KALRN: variants seen among roughly 807,000 people sequenced by gnomAD.
KALRN encodes the protein kalirin RhoGEF kinase.
KALRN carries 70 observed loss-of-function variants against 353.7 expected under a neutral mutation model. The ratio of observed to expected loss-of-function variants is 0.20; its 90% CI spans 0.16 to 0.24. The LOEUF is 0.24. KALRN is among the 10% of genes least tolerant of loss of function. The pLI, the probability that KALRN is intolerant of heterozygous loss-of-function variation, is 1.00. For synonymous variants in KALRN, 1,391 were observed against 1,434.8 expected, an observed-to-expected ratio of 0.97 and a Z score of 0.69; for missense variants, 2,791 against 3,756.7, an observed-to-expected ratio of 0.74 and a Z score of 6.72.
intron 1 of KALRN, among the ~76,000 whole-genome samples, chr3:124,188,210 G>A (rs1285016475): frequency 6.6e-6 from 1 of 152,190 alleles, no homozygotes; most frequent in Non-Finnish European, 1.5e-5. Context: ...AGATTGCTAG[G>A]CCTCACCACC....
At chr3:124,539,070 C>G (rs553231726) in intron 33 of KALRN, among the ~76,000 whole-genome samples, 74 of 152,250 alleles carry the variant, frequency 4.9e-4, no homozygotes, top group African/African-American at 1.8e-3. Flanking sequence ...CTGTGCAGCC[C>G]TGATGGCTGC....
At chr3:124,432,407 C>A (rs1462423987) in intron 16 of KALRN, among the ~76,000 whole-genome samples, 1 of 152,142 alleles carries the variant, frequency 6.6e-6, no homozygotes, top group Non-Finnish European at 1.5e-5. Flanking sequence ...GAGTGAGACC[C>A]TGTCTCAAAA....
At chr3:124,431,956 T>C (rs1281336990) in intron 16 of KALRN, among the ~76,000 whole-genome samples, 1 of 152,220 alleles carries the variant, frequency 6.6e-6, no homozygotes, top group African/African-American at 2.4e-5. Flanking sequence ...AACTTCATAT[T>C]GCACACACAG....
intron 1 of KALRN, among the ~76,000 whole-genome samples, chr3:124,070,628 A>T (rs1356350063): frequency 6.6e-6 from 1 of 152,344 alleles, no homozygotes; most frequent in East Asian, 1.9e-4. Flanking sequence ...ACCCAGCTAG[A>T]CAGACCGTTA....
intron 17 of KALRN, among the ~76,000 whole-genome samples, chr3:124,437,429 C>G (rs1200853344): frequency 6.6e-6 from 1 of 152,324 alleles, no homozygotes; most frequent in South Asian, 2.1e-4. Context: ...GAGGCTCACG[C>G]CTATAATCCC....
In KALRN at chr3:124,723,071, T is replaced by C. The variant is rs1210979471; in HGVS notation, c.*3601T>C. ...GAAAAAAATGGTAATGTTGGAGATA[T>C]CCTTCAGGTCTCTCTCAGCCATAAA... On this transcript the variant is annotated 3_prime_UTR_variant, in exon 60 of 60. Transcript: ENST00000682506. 1 of 152,182 alleles carries C rather than the reference T, an allele frequency of 6.6e-6. No individual in the cohort carries two copies. Among genetic ancestry groups the C allele is most frequent in the African/African-American group, 2.4e-5 (1 of 41,438 alleles). 9.4% of individuals were successfully genotyped at this position (152,182 alleles called of 1,614,324 possible).
intron 1 of KALRN, among the ~76,000 whole-genome samples, chr3:124,086,928 C>T (rs1221851476): frequency 1.3e-5 from 2 of 152,174 alleles, no homozygotes; most frequent in East Asian, 1.9e-4. Context: ...CTATGCCTTG[C>T]GTTTTTAACC....
chr3:124,369,056 G>A (rs1015262581), intron 10 of KALRN, among the ~76,000 whole-genome samples: 5 of 144,802 alleles, frequency 3.5e-5, no homozygotes, highest in South Asian at 2.1e-4. Context: ...GAGGGAGACC[G>A]TGGGGAGAGG....
In KALRN at chr3:124,446,823, G is replaced by A. The variant is rs2093855567; in HGVS notation, c.3490G>A (p.Glu1164Lys). Residue 1164 changes from glutamate to lysine, a missense_variant, in exon 21 of 60, where the codon GAG becomes AAG. This residue lies in a region of KALRN where 268 missense variants were observed against 347.0 expected (regional missense o/e 0.77). Coordinates refer to ENST00000682506, the MANE Select transcript of KALRN (RefSeq NM_001388419.1). Reference sequence around the variant, plus strand: ...CCTCTCAACACATACCTCCACTGGAGAGACCACAGAGGAGACTCAGGAACT... The same window carrying A: ...CCTCTCAACACATACCTCCACTGGAAAGACCACAGAGGAGACTCAGGAACT... Reference protein sequence around the residue: ...FYLSTHTSTGETTEETQELLK... With the variant: ...FYLSTHTSTGKTTEETQELLK... 2.5e-6 allele frequency: 4 copies of A among 1,613,940 alleles called. No individual in the cohort carries two copies. Among genetic ancestry groups the A allele is most frequent in the Non-Finnish European group, 3.4e-6 (4 of 1,179,990 alleles).
chr3:124,618,086 C>CTTTTTTTTTTTT (rs71145464), intron 34 of KALRN, among the ~76,000 whole-genome samples: 6 of 63,354 alleles, frequency 9.5e-5, no homozygotes, highest in South Asian at 7.6e-4. Flanking sequence ...GTGCAGAAAT[C>CTTTTTTTTTTTT]TTTTTTTTTT....
rs79646101 is a variant in KALRN at position 124,320,185 on chromosome 3, T to C, written c.1093-5795T>C. 0.019 allele frequency among the ~76,000 whole-genome samples: 2,936 copies of C among 152,266 alleles called. 172 individuals carry two copies. The East Asian group carries it at 0.21, about 11-fold the overall frequency. ...CGTGGCTCTCAGCTGGTTGTTTGCA[T>C]GGCCTCCCTCCCTTGACTTTTTGAT... is the stretch of plus-strand genomic sequence containing the variant. On this transcript the variant is annotated intron_variant, in intron 6 of 59. Coordinates refer to ENST00000682506, the MANE Select transcript of KALRN (RefSeq NM_001388419.1).
intron 33 of KALRN, among the ~76,000 whole-genome samples, chr3:124,546,312 A>T (rs934290567): frequency 2.1e-4 from 27 of 127,492 alleles, no homozygotes; most frequent in Non-Finnish European, 4.4e-4. Flanking sequence ...AAAAAAAAAA[A>T]ATTAGCCAGG....
At chr3:124,498,911 C>CTGGTT in intron 33 of KALRN, among the ~76,000 whole-genome samples, 1 of 151,654 alleles carries the variant, frequency 6.6e-6, no homozygotes, top group East Asian at 1.9e-4. Context: ...CCAGGGAACG[C>CTGGTT]TGGTTTCTAA....
intron 39 of KALRN, 23 bp downstream of exon 39, chr3:124,655,690 G>A: frequency 6.2e-7 from 1 of 1,601,664 alleles, no homozygotes; most frequent in Non-Finnish European, 8.6e-7. Context: ...TTCCAGGTGG[G>A]TCTGTGGTCA....
chr3:124,284,724 G>A (rs2075666396), intron 5 of KALRN, among the ~76,000 whole-genome samples: 1 of 152,078 alleles, frequency 6.6e-6, no homozygotes, highest in South Asian at 2.1e-4. Context: ...ACATCATGAG[G>A]GTGTGACTCT....
intron 37 of KALRN, among the ~76,000 whole-genome samples, chr3:124,646,391 C>CTTTTTTTTTGTTTTTTTTTTTTTTTTTT (rs2082720048): frequency 9.1e-6 from 1 of 110,492 alleles, no homozygotes; most frequent in African/African-American, 3.4e-5. Context: ...CTTTTGTTTA[C>CTTTTTTTTTGTTTTTTTTTTTTTTTTTT]TTTTTTTTTT....
intron 1 of KALRN, among the ~76,000 whole-genome samples, chr3:124,197,095 A>AT (rs552630951): frequency 7.1e-4 from 107 of 151,508 alleles, no homozygotes; most frequent in Middle Eastern, 6.8e-3. Context: ...GACATTTTGG[A>AT]TTTTTTTTTC....
At chr3:124,531,072 C>A (rs1013705650) in intron 33 of KALRN, among the ~76,000 whole-genome samples, 1 of 152,136 alleles carries the variant, frequency 6.6e-6, no homozygotes, top group African/African-American at 2.4e-5. Flanking sequence ...TCTAAAGTTG[C>A]CAGTTACCAT....
intron 10 of KALRN, among the ~76,000 whole-genome samples, chr3:124,378,797 C>T (rs1357429382): frequency 2.0e-5 from 3 of 151,702 alleles, no homozygotes; most frequent in African/African-American, 7.3e-5. Flanking sequence ...ATCTTTGTTC[C>T]TCTGTATATA....
Sources: allele counts gnomAD v4.1 joint callset (sites outside exome capture counted in the v4.1 genomes callset), GRCh38; gene constraint gnomAD v4.1.1; regional missense constraint gnomAD v4.1.1; transcripts MANE v1.5; gene names NCBI Gene and HGNC (gene_info 2026-07-23, HGNC 2026-07-21).